Variants in CFAP47 observed in about 807,000 individuals in gnomAD.
The protein encoded by CFAP47 is cilia- and flagella-associated protein 47.
A neutral mutation model predicts 148.1 loss-of-function variants in CFAP47; 29 were observed. The ratio of observed to expected loss-of-function variants is 0.20; its 90% CI spans 0.15 to 0.27. The LOEUF is 0.27. CFAP47 is among the 10% of genes least tolerant of loss of function. The probability of loss-of-function intolerance (pLI) is 1.00; values close to 1 mark genes in which losing one functional copy is unlikely to be tolerated. For synonymous variants in CFAP47, 664 were observed against 577.3 expected (o/e 1.15, Z -2.15); for missense variants, 1,872 against 1,697.5 (o/e 1.10, Z -1.81).
chrX:36,245,470 TA>T (rs782269271), intron 48 of CFAP47, among the ~76,000 whole-genome samples: 2 of 111,888 alleles, frequency 1.8e-5, no homozygotes, highest in Admixed American at 9.5e-5. Context: ...CAAGAAATGA[TA>T]AAAAAACTTT....
chrX:35,994,764 G>A (rs892561342), intron 18 of CFAP47, among the ~76,000 whole-genome samples: 16 of 110,066 alleles, frequency 1.5e-4, no homozygotes, highest in African/African-American at 5.0e-4. Flanking sequence ...ATTATGCTGG[G>A]TTTTTTTTCT....
intron 10 of CFAP47, 71 bp downstream of exon 10, chrX:35,967,903 C>G (rs1458415570): frequency 3.6e-6 from 2 of 556,056 alleles, no homozygotes; most frequent in African/African-American, 2.3e-5. Flanking sequence ...GAAGTTTCAT[C>G]AGATCCTGCT....
intron 50 of CFAP47, among the ~76,000 whole-genome samples, chrX:36,283,644 A>G (rs1011090001): frequency 3.6e-5 from 4 of 112,122 alleles, no homozygotes; most frequent in Admixed American, 2.8e-4. Context: ...GTAAAATAAA[A>G]TCTGACCTAC....
At chrX:36,315,534 A>G (rs180940939) in intron 56 of CFAP47, among the ~76,000 whole-genome samples, 687 of 112,516 alleles carry the variant, frequency 6.1e-3, no homozygotes, top group African/African-American at 0.021. Flanking sequence ...AATTATAAAG[A>G]CTATACTGAG....
intron 25 of CFAP47, 42 bp from the exon 26 acceptor site, chrX:36,046,812 A>G: frequency 1.2e-6 from 1 of 869,133 alleles, no homozygotes; most frequent in South Asian, 2.7e-5. Context: ...AATGACTGGC[A>G]GGTATTTTGA....
intron 1 of CFAP47, among the ~76,000 whole-genome samples, chrX:35,923,871 A>ATGTATATATGTACATATATATG (rs1569200586): frequency 4.4e-3 from 420 of 94,559 alleles, no homozygotes; most frequent in Non-Finnish European, 7.5e-3. Context: ...ATGTACATAT[A>ATGTATATATGTACATATATATG]TGTATATATG....
At chrX:36,142,159 G>A (rs575278685) in intron 35 of CFAP47, among the ~76,000 whole-genome samples, 10 of 111,575 alleles carry the variant, frequency 9.0e-5, no homozygotes, top group African/African-American at 2.3e-4. Context: ...TATATTTGGC[G>A]TCTTATTTGA....
chrX:35,969,493 T>C (rs1482976960), intron 10 of CFAP47, among the ~76,000 whole-genome samples: 1 of 111,633 alleles, frequency 9.0e-6, no homozygotes, highest in Non-Finnish European at 1.9e-5. Flanking sequence ...GTTCTTTGCA[T>C]ATTTTAAAAA....
intron 57 of CFAP47, among the ~76,000 whole-genome samples, chrX:36,342,331 A>G (rs1941660671): frequency 1.8e-5 from 2 of 112,222 alleles, no homozygotes; most frequent in Admixed American, 9.5e-5. Flanking sequence ...AAACTGATGT[A>G]TAAATGTAGG....
At chrX:36,103,581 G>T (rs1209680853) in intron 32 of CFAP47, among the ~76,000 whole-genome samples, 1 of 98,411 alleles carries the variant, frequency 1.0e-5, no homozygotes, top group Non-Finnish European at 2.0e-5. Context: ...GCTTCAGAAT[G>T]TAAAGGTGGA....
intron 49 of CFAP47, among the ~76,000 whole-genome samples, chrX:36,269,880 T>A (rs371772703): frequency 4.5e-5 from 5 of 111,984 alleles, no homozygotes; most frequent in African/African-American, 1.6e-4. Flanking sequence ...TATATGCATT[T>A]CAAACATTGT....
At chrX:36,318,347 A>G (rs782292629) in intron 56 of CFAP47, among the ~76,000 whole-genome samples, 14 of 111,951 alleles carry the variant, frequency 1.3e-4, no homozygotes, top group African/African-American at 3.6e-4. Flanking sequence ...CATTGTTAAC[A>G]TTGGATAAAT....
chrX:36,336,334 A>G (rs1264428130), intron 57 of CFAP47, among the ~76,000 whole-genome samples: 1 of 106,949 alleles, frequency 9.4e-6, no homozygotes, highest in African/African-American at 3.4e-5. Context: ...AGCTCCAAGG[A>G]ACTTCCCATT....
chrX:36,382,271 C>T (rs1484548538), intron 63 of CFAP47, among the ~76,000 whole-genome samples: 1 of 111,382 alleles, frequency 9.0e-6, no homozygotes, highest in Non-Finnish European at 1.9e-5. Flanking sequence ...AGTTTTCACA[C>T]CTGAGAGGTT....
intron 45 of CFAP47, among the ~76,000 whole-genome samples, chrX:36,215,390 A>G (rs993915379): frequency 9.0e-6 from 1 of 111,301 alleles, no homozygotes; most frequent in Non-Finnish European, 1.9e-5. Flanking sequence ...GTCAAATTCC[A>G]TGCTCTACCA....
chrX:36,227,473 C>T (rs1407279922), intron 45 of CFAP47, among the ~76,000 whole-genome samples: 3 of 110,735 alleles, frequency 2.7e-5, no homozygotes, highest in African/African-American at 1.0e-4. Context: ...TAATTTATAA[C>T]ACACACATAA....
rs1556020399 is a variant in CFAP47, at chrX:36,366,977, C to T, written c.9035C>T (p.Thr3012Ile). Residue 3012 changes from threonine to isoleucine, a missense_variant, in exon 62 of 64, where the codon ACA (threonine) becomes ATA (isoleucine). Physicochemically the swap from Thr to Ile is moderately conservative, Grantham distance 89 (BLOSUM62 -1). Coordinates refer to ENST00000378653, the MANE Select transcript of CFAP47 (RefSeq NM_001304548.2). The part of the protein sequence containing the change: ...TPKKPLRSHI[T>I]LKIECVTEGI... ...CTTTTATATTCAAGGTCTCACATAACACTGAAAATAGAGTGCGTAACAGAA... is the reference window on the plus strand; with the variant it reads ...CTTTTATATTCAAGGTCTCACATAATACTGAAAATAGAGTGCGTAACAGAA... 4 of 1,135,213 alleles carry T rather than the reference C, an allele frequency of 3.5e-6. No individual in the cohort carries two copies. In the Admixed American group the frequency reaches 1.1e-4, roughly 33 times the overall value. 93.6% of individuals were successfully genotyped at this position (1,135,213 alleles called of 1,213,427 possible). A position where few individuals can be genotyped will look rare whatever the true frequency, so the allele number is the denominator to read the frequency against.
intron 33 of CFAP47, among the ~76,000 whole-genome samples, chrX:36,136,321 A>G (rs1261181360): frequency 9.2e-6 from 1 of 109,094 alleles, no homozygotes; most frequent in African/African-American, 3.3e-5. Flanking sequence ...CTTCAAGACA[A>G]TTTCTGTCCC....
At chrX:36,368,189 G>C (rs1941896849) in intron 62 of CFAP47, 1 of 111,945 alleles carries the variant, frequency 8.9e-6, no homozygotes, top group Admixed American at 9.5e-5. Flanking sequence ...AACAGTTACT[G>C]TTCTTATAGG....
Sources: gnomAD v4.1 joint callset for allele counts (sites outside exome capture counted in the v4.1 genomes callset) on GRCh38, gnomAD v4.1.1 for gene constraint, MANE v1.5 for transcripts, NCBI Gene and HGNC (gene_info 2026-07-23, HGNC 2026-07-21) for gene names.